Variants in PLXDC2 observed in about 807,000 individuals in gnomAD.
PLXDC2 encodes plexin domain containing 2.
In PLXDC2, 40 loss-of-function variants were observed where a neutral mutation model predicts 68.9. That is an observed-to-expected ratio of 0.58 (90% CI 0.45 to 0.76). The LOEUF is 0.76. Among genes scored for constraint, PLXDC2 ranks in the 30% least tolerant of loss-of-function variants. The probability of loss-of-function intolerance (pLI) is 0.00; values close to 1 mark genes in which losing one functional copy is unlikely to be tolerated. For synonymous variants in PLXDC2, 243 were observed against 234.2 expected (o/e 1.04, Z -0.34); for missense variants, 644 against 661.9 (o/e 0.97, Z 0.30).
At chr10:19,874,708 A>G (rs1020314950) in intron 1 of PLXDC2, among the ~76,000 whole-genome samples, 3 of 152,220 alleles carry the variant, frequency 2.0e-5, no homozygotes, top group African/African-American at 4.8e-5. Context: ...GAAAGAAATA[A>G]CATTTGAATT....
intron 9 of PLXDC2, among the ~76,000 whole-genome samples, chr10:20,193,575 A>G (rs772443021): frequency 2.0e-5 from 3 of 152,062 alleles, no homozygotes; most frequent in Non-Finnish European, 4.4e-5. Flanking sequence ...AAGATTCAAC[A>G]CTATATATGC....
intron 1 of PLXDC2, among the ~76,000 whole-genome samples, chr10:19,859,772 C>G (rs1035054947): frequency 6.6e-6 from 1 of 152,238 alleles, no homozygotes; most frequent in African/African-American, 2.4e-5. Context: ...CTCTGCATCG[C>G]CCAAGCTAGA....
intron 2 of PLXDC2, among the ~76,000 whole-genome samples, chr10:20,045,696 A>T (rs942710153): frequency 6.6e-6 from 1 of 152,126 alleles, no homozygotes; most frequent in Non-Finnish European, 1.5e-5. Flanking sequence ...TAATTTTATT[A>T]CATTTAATTA....
intron 1 of PLXDC2, among the ~76,000 whole-genome samples, chr10:19,886,762 A>C (rs537433801): frequency 6.6e-6 from 1 of 152,326 alleles, no homozygotes; most frequent in African/African-American, 2.4e-5. Context: ...ATAGTGTTGG[A>C]AGTTCTGGCC....
At chr10:20,039,991 A>T (rs1302031328) in intron 2 of PLXDC2, among the ~76,000 whole-genome samples, 1 of 152,116 alleles carries the variant, frequency 6.6e-6, no homozygotes, top group African/African-American at 2.4e-5. Context: ...AGCTGAATCG[A>T]CCTTTCTTGG....
At position 20,284,045 on chromosome 10, in the gene PLXDC2, G is replaced by A. The variant is rs374748114; in HGVS notation, c.*4226G>A. On this transcript the variant is annotated 3_prime_UTR_variant, in exon 14 of 14. Coordinates refer to ENST00000377252, the MANE Select transcript of PLXDC2 (RefSeq NM_032812.9). ...CTATTGCCCACTTGAGAAAGGTTTT[G>A]CCAGGATCCACAGATCGCTTCAAGA... 6.6e-6 allele frequency: 1 copy of A among 152,050 alleles called. No individual in the cohort carries two copies. The highest frequency in any genetic ancestry group is 6.6e-5 in the Admixed American group (1 of 15,262). 9.4% of individuals were successfully genotyped at this position (152,050 alleles called of 1,614,324 possible). A position where few individuals can be genotyped will look rare whatever the true frequency, so the allele number is the denominator to read the frequency against.
chr10:20,126,881 A>G (rs189541664), intron 4 of PLXDC2, among the ~76,000 whole-genome samples: 2 of 147,804 alleles, frequency 1.4e-5, no homozygotes, highest in African/African-American at 4.9e-5. Flanking sequence ...ATAATATATG[A>G]TATATACTAT....
intron 1 of PLXDC2, among the ~76,000 whole-genome samples, chr10:19,895,907 A>T (rs1838049091): frequency 6.6e-6 from 1 of 152,104 alleles, no homozygotes; most frequent in Non-Finnish European, 1.5e-5. Context: ...GTGACAGAGC[A>T]AGACTCTGTC....
intron 1 of PLXDC2, among the ~76,000 whole-genome samples, chr10:19,928,365 A>T (rs370559259): frequency 1.3e-5 from 2 of 152,196 alleles, no homozygotes; most frequent in South Asian, 2.1e-4. Flanking sequence ...GTTGGGACAA[A>T]CTAATGATGG....
At chr10:20,048,128 C>G (rs894025018) in intron 3 of PLXDC2, among the ~76,000 whole-genome samples, 2 of 152,088 alleles carry the variant, frequency 1.3e-5, no homozygotes, top group African/African-American at 4.8e-5. Context: ...CTAATAGAGT[C>G]AATGGCTGAA....
At chr10:20,224,270 G>A (rs553246116) in intron 12 of PLXDC2, among the ~76,000 whole-genome samples, 9 of 152,100 alleles carry the variant, frequency 5.9e-5, no homozygotes, top group South Asian at 2.1e-4. Flanking sequence ...CACTGCACCC[G>A]GCTGTATTTT....
chr10:20,107,544 A>C (rs1833508179), intron 4 of PLXDC2, among the ~76,000 whole-genome samples: 1 of 152,176 alleles, frequency 6.6e-6, no homozygotes, highest in African/African-American at 2.4e-5. Flanking sequence ...ATCAATTGTA[A>C]GATTAAATCT....
intron 1 of PLXDC2, among the ~76,000 whole-genome samples, chr10:19,946,592 C>T (rs992563977): frequency 6.6e-6 from 1 of 151,606 alleles, no homozygotes; most frequent in South Asian, 2.1e-4. Context: ...GGTCCCTAAC[C>T]TTTATGGCAC....
intron 6 of PLXDC2, among the ~76,000 whole-genome samples, chr10:20,160,693 T>C (rs1834278847): frequency 6.6e-6 from 1 of 152,132 alleles, no homozygotes; most frequent in African/African-American, 2.4e-5. Flanking sequence ...TTTATGTATA[T>C]TGGGCTTAGT....
At chr10:20,080,465 C>T (rs1205854314) in intron 4 of PLXDC2, among the ~76,000 whole-genome samples, 1 of 152,118 alleles carries the variant, frequency 6.6e-6, no homozygotes, top group Non-Finnish European at 1.5e-5. Context: ...GGTCTAAGAG[C>T]CCCTGGCAAA....
chr10:19,868,142 G>A (rs1284457415), intron 1 of PLXDC2, among the ~76,000 whole-genome samples: 4 of 151,920 alleles, frequency 2.6e-5, no homozygotes, highest in Admixed American at 2.6e-4. Context: ...TTTGGGTTTG[G>A]GGGTACATGT....
At chr10:20,067,509 A>G (rs1227612630) in intron 3 of PLXDC2, among the ~76,000 whole-genome samples, 1 of 152,062 alleles carries the variant, frequency 6.6e-6, no homozygotes, top group Non-Finnish European at 1.5e-5. Context: ...AACATGGCGA[A>G]ACCCCATCTC....
intron 2 of PLXDC2, among the ~76,000 whole-genome samples, chr10:20,019,750 C>T (rs991156568): frequency 1.3e-5 from 2 of 152,164 alleles, no homozygotes; most frequent in African/African-American, 2.4e-5. Context: ...CACTGAACTT[C>T]CAGCCTCTAA....
At chr10:20,274,849 C>T (rs1014722380) in intron 13 of PLXDC2, among the ~76,000 whole-genome samples, 1 of 148,712 alleles carries the variant, frequency 6.7e-6, no homozygotes, top group African/African-American at 2.5e-5. Context: ...ATACATGACA[C>T]TCATGTGAAT....
Sources: gnomAD v4.1 joint callset for allele counts (sites outside exome capture counted in the v4.1 genomes callset) on GRCh38, gnomAD v4.1.1 for gene constraint, MANE v1.5 for transcripts, NCBI Gene and HGNC (gene_info 2026-07-23, HGNC 2026-07-21) for gene names.